Variants in ADGRE3 observed in about 807,000 individuals in gnomAD.
ADGRE3 encodes adhesion G protein-coupled receptor E3.
ADGRE3 carries 88 observed loss-of-function variants against 80.1 expected under a neutral mutation model. That is an observed-to-expected ratio of 1.10 (90% CI 0.93 to 1.31). The LOEUF is 1.31. Ranked by LOEUF, ADGRE3 falls within the 40% of genes most tolerant of loss-of-function variation. The probability of loss-of-function intolerance (pLI) is 0.00; values close to 1 mark genes in which losing one functional copy is unlikely to be tolerated. For missense variants in ADGRE3, 715 were observed against 776.5 expected, an observed-to-expected ratio of 0.92 and a Z score of 0.94; for synonymous variants, 281 against 294.8, an observed-to-expected ratio of 0.95 and a Z score of 0.48.
At chr19:14,641,755 A>C in intron 9 of ADGRE3, 139 bp from the exon 10 acceptor site, 1 of 1,003,850 alleles carries the variant, frequency 1.0e-6, no homozygotes, top group Non-Finnish European at 1.5e-6. Flanking sequence ...GTAGATTGCT[A>C]ATGTAGACTG....
intron 4 of ADGRE3, 26 bp downstream of exon 4, chr19:14,661,937 A>G: frequency 1.2e-6 from 2 of 1,610,110 alleles, no homozygotes; most frequent in Non-Finnish European, 1.7e-6. Flanking sequence ...AGAGGAAGGA[A>G]GGCAGGAGGA....
Position 14,620,310 on chromosome 19 carries a change from C to G in ADGRE3, c.1921-839G>C, listed in dbSNP as rs371425281. ...CAAGCGATCCTCCTACCTTGTTCTC[C>G]CAAAGTGCTGGGATTACTGGCATGA... On this transcript the variant is annotated intron_variant, in intron 15 of 15. Coordinates refer to ENST00000253673, the MANE Select transcript of ADGRE3 (RefSeq NM_032571.5). 5.5e-3 allele frequency among the ~76,000 whole-genome samples: 635 copies of G among 114,418 alleles called. 4 individuals are homozygous for G. Among genetic ancestry groups the G allele is most frequent in the African/African-American group, 0.018 (569 of 31,754 alleles). The allele number at this position is 114,418 out of a possible 152,430, so 75.1% of individuals were successfully genotyped here. A position where few individuals can be genotyped will look rare whatever the true frequency, so the allele number is the denominator to read the frequency against.
At position 14,651,218 on chromosome 19, in the gene ADGRE3, CAAT is replaced by C. The variant is rs759846121; in HGVS notation, c.578-17_578-15del. The C allele has an allele frequency of 1.9e-5, 31 of 1,613,808 alleles. No homozygotes were observed. Among genetic ancestry groups the C allele is most frequent in the Non-Finnish European group, 2.5e-5 (30 of 1,179,874 alleles). Reference sequence around the variant, plus strand: ...GAGTTTCAATAGCTGGTAAGAAAAGCAATGGGCAGGCTTAGTGATATTGTAAGA... The same window carrying C: ...GAGTTTCAATAGCTGGTAAGAAAAGCGGGCAGGCTTAGTGATATTGTAAGA... On this transcript the variant is annotated splice_polypyrimidine_tract_variant and intron_variant, in intron 6 of 15. Coordinates refer to ENST00000253673, the MANE Select transcript of ADGRE3 (RefSeq NM_032571.5).
At position 14,638,323 on chromosome 19, in the gene ADGRE3, G is replaced by A. The variant is rs772035400; in HGVS notation, c.1266C>T (p.Ile422=). The change falls in exon 11 of 16, where the codon ATC becomes ATT. Residue 422 remains isoleucine, a synonymous_variant. Transcript: ENST00000253673. ...RTEPKVLCSI[I]AGALHYLYLA... is the part of the protein sequence containing the mutation. ...GGTAGAGATAGTGCAAAGCACCGGC[G>A]ATGATGGAGCACAGCACCTGGGGGA... 11 of 1,613,960 alleles carry A rather than the reference G, an allele frequency of 6.8e-6. No homozygotes were observed. Among genetic ancestry groups the A allele is most frequent in the African/African-American group, 1.3e-5 (1 of 74,908 alleles).
At position 14,674,763 on chromosome 19, in the gene ADGRE3, C is replaced by T; in HGVS notation, c.8G>A (p.Gly3Glu). 1.2e-5 allele frequency: 19 copies of T among 1,613,972 alleles called. No homozygotes were observed. Among genetic ancestry groups the T allele is most frequent in the Non-Finnish European group, 1.6e-5 (19 of 1,179,928 alleles). The change falls in exon 1 of 16, where the codon GGA becomes GAA. Residue 3 changes from glycine (G) to glutamate (E), a missense_variant. Gly to Glu is a moderately conservative substitution (Grantham distance 98). Transcript: ENST00000253673. ...ACACATACCTGGAAGAAGCAATGGT[C>T]CCTGCATTTCTGTGGTACGGGTATC... The part of the protein sequence containing the change: MQ[G>E]PLLLPGLCFL...
intron 6 of ADGRE3, among the ~76,000 whole-genome samples, chr19:14,654,034 C>T (rs1460974803): frequency 6.6e-5 from 10 of 151,260 alleles, no homozygotes; most frequent in Non-Finnish European, 1.5e-4. Flanking sequence ...CTCACTGCAA[C>T]CTCTGCCTCC....
chr19:14,649,128 GTC>G (rs1971504201), intron 7 of ADGRE3, among the ~76,000 whole-genome samples: 1 of 87,540 alleles, frequency 1.1e-5, no homozygotes, highest in African/African-American at 4.7e-5. Flanking sequence ...CTCGAATTCC[GTC>G]TCTCTCTCCA....
chr19:14,620,528 ATATATATTTTATATATATAT>A lies in ADGRE3; in HGVS notation c.1921-1077_1921-1058del, dbSNP rs1413527139. Among the ~76,000 whole-genome samples the A allele has an allele frequency of 8.4e-3, 87 of 10,314 alleles. 3 individuals carry two copies. The highest frequency in any genetic ancestry group is 0.019 in the African/African-American group (31 of 1,654). 6.8% of individuals were successfully genotyped at this position (10,314 alleles called of 152,430 possible). A position where few individuals can be genotyped will look rare whatever the true frequency, so the allele number is the denominator to read the frequency against. Reference sequence around the variant, plus strand: ...GAATATATTATGACTATATATGAATATATATATTTTATATATATATTATATATATATATATATATATTTTT... The same window carrying A: ...GAATATATTATGACTATATATGAATATATATATATATATATATATATTTTT... On this transcript the variant is annotated intron_variant, in intron 15 of 15. Transcript: ENST00000253673.
chr19:14,633,728 T>A lies in ADGRE3; in HGVS notation c.1485-426A>T, dbSNP rs141771672. On this transcript the variant is annotated intron_variant, in intron 11 of 15. Coordinates refer to ENST00000253673, the MANE Select transcript of ADGRE3 (RefSeq NM_032571.5). ...TCAAAAAAAATAAAATAAAATAAAA[T>A]AAAATAAAATAAAATAAAATAAAAA... Among the ~76,000 whole-genome samples the A allele has an allele frequency of 5.6e-3, 736 of 130,382 alleles. 10 individuals are homozygous for A. The highest frequency in any genetic ancestry group is 0.016 in the African/African-American group (548 of 33,966). The allele number at this position is 130,382 out of a possible 152,430, so 85.5% of individuals were successfully genotyped here. A position where few individuals can be genotyped will look rare whatever the true frequency, so the allele number is the denominator to read the frequency against.
At chr19:14,669,819 T>A (rs914461354) in intron 1 of ADGRE3, among the ~76,000 whole-genome samples, 3 of 152,142 alleles carry the variant, frequency 2.0e-5, no homozygotes, top group Non-Finnish European at 4.4e-5. Context: ...TTTGGGTAGA[T>A]ACCCAGTAGC....
chr19:14,654,937 T>G (rs1971711547), intron 6 of ADGRE3, 45 bp downstream of exon 6: 1 of 1,519,990 alleles, frequency 6.6e-7, no homozygotes, highest in African/African-American at 1.4e-5. Flanking sequence ...AGATCCCAGC[T>G]GCTAACCAGT....
chr19:14,620,537 T>TAATATATATATAA (rs1415988959), intron 15 of ADGRE3, among the ~76,000 whole-genome samples: 7 of 18,446 alleles, frequency 3.8e-4, no homozygotes, highest in Non-Finnish European at 5.3e-4. Context: ...TATATATATT[T>TAATATATATATAA]TATATATATA....
chr19:14,663,803 C>T (rs1051592128), intron 2 of ADGRE3, among the ~76,000 whole-genome samples: 2 of 151,818 alleles, frequency 1.3e-5, no homozygotes, highest in African/African-American at 4.8e-5. Flanking sequence ...TGTGCCACTG[C>T]ACTCCAGCCT....
chr19:14,604,145 A>G, the ADGRE3 span, among the ~76,000 whole-genome samples: 1 of 152,274 alleles, frequency 6.6e-6, no homozygotes, highest in Non-Finnish European at 1.5e-5. Context: ...CTGATGGGAC[A>G]GGAAGACCTT....
intron 9 of ADGRE3, among the ~76,000 whole-genome samples, chr19:14,642,062 A>C (rs1971268335): frequency 6.6e-6 from 1 of 152,162 alleles, no homozygotes. Context: ...GAGTTGGTTA[A>C]GGAGTGAAGA....
At chr19:14,620,461 TATGAATATATTATGAGTA>T (rs1970522705) in intron 15 of ADGRE3, among the ~76,000 whole-genome samples, 1 of 136,452 alleles carries the variant, frequency 7.3e-6, no homozygotes, top group Non-Finnish European at 1.6e-5. Context: ...TATATGAATA[TATGAATATATTATGAGTA>T]CATATGAATA....
chr19:14,628,918 T>G lies in ADGRE3; in HGVS notation c.1812+1121A>C, dbSNP rs184658723. On this transcript the variant is annotated intron_variant, in intron 14 of 15. Coordinates refer to ENST00000253673, the MANE Select transcript of ADGRE3 (RefSeq NM_032571.5). ...ATATAATTGGTATTGACTGGAAGCT[T>G]CTTCTTTTTCTCTTTTTTTTTTGAG... 2.4e-4 allele frequency: 37 copies of G among 156,250 alleles called. No homozygotes were observed. The East Asian group carries it at 4.0e-3, about 17-fold the overall frequency. 9.7% of individuals were successfully genotyped at this position (156,250 alleles called of 1,614,324 possible). A position where few individuals can be genotyped will look rare whatever the true frequency, so the allele number is the denominator to read the frequency against.
chr19:14,610,289 T>A, the ADGRE3 span: 1 of 1,495,170 alleles, frequency 6.7e-7, no homozygotes, highest in Non-Finnish European at 8.9e-7. Context: ...TCTTCGTGAG[T>A]GGACACACAG....
the ADGRE3 span, among the ~76,000 whole-genome samples, chr19:14,601,420 G>T: frequency 1.3e-5 from 2 of 152,136 alleles, no homozygotes; most frequent in Non-Finnish European, 2.9e-5. Context: ...TTAATGATTT[G>T]CTACTACAAT....
Sources: allele counts gnomAD v4.1 joint callset (sites outside exome capture counted in the v4.1 genomes callset), GRCh38; gene constraint gnomAD v4.1.1; transcripts MANE v1.5; gene names NCBI Gene and HGNC (gene_info 2026-07-23, HGNC 2026-07-21).